PPM1L: variants seen among roughly 807,000 people sequenced by gnomAD.
The protein encoded by PPM1L is protein phosphatase, Mg2+/Mn2+ dependent 1L.
A neutral mutation model predicts 31.4 loss-of-function variants in PPM1L; 13 were observed. That is an observed-to-expected ratio of 0.41 (90% confidence interval 0.27 to 0.66). The LOEUF is 0.66. Ranked by LOEUF, PPM1L falls within the 30% of genes least tolerant of loss-of-function variation. PPM1L has a pLI of 0.29. For synonymous variants in PPM1L, 184 were observed against 175.4 expected, an observed-to-expected ratio of 1.05 and a Z score of -0.39; for missense variants, 326 against 453.7, an observed-to-expected ratio of 0.72 and a Z score of 2.56.
intron 2 of PPM1L, among the ~76,000 whole-genome samples, chr3:160,994,683 T>A (rs1385602822): frequency 1.3e-5 from 2 of 152,178 alleles, no homozygotes; most frequent in Admixed American, 6.5e-5. Flanking sequence ...TTCTGGAAAT[T>A]CAACTGTGAA....
intron 2 of PPM1L, chr3:161,022,427 T>C (rs1248550162): frequency 1.2e-5 from 4 of 326,448 alleles, no homozygotes; most frequent in Non-Finnish European, 2.2e-5. Context: ...CAAAATATAA[T>C]TCTTTTTAAA....
At chr3:161,022,201 T>C (rs1718253534) in intron 2 of PPM1L, 1 of 670,604 alleles carries the variant, frequency 1.5e-6, no homozygotes, top group South Asian at 1.6e-5. Flanking sequence ...CACCTTAGCT[T>C]CAAAATATCT....
intron 1 of PPM1L, among the ~76,000 whole-genome samples, chr3:160,789,303 A>G (rs1712028355): frequency 1.3e-5 from 2 of 151,952 alleles, no homozygotes; most frequent in East Asian, 3.9e-4. Context: ...GAAAGCCACT[A>G]TACAGAATTC....
intron 1 of PPM1L, among the ~76,000 whole-genome samples, chr3:160,797,424 T>G (rs1376670478): frequency 6.6e-6 from 1 of 152,198 alleles, no homozygotes; most frequent in Non-Finnish European, 1.5e-5. Context: ...ATATTGAAAT[T>G]AGGCCAATTA....
At chr3:161,051,434 G>C (rs1237233249) in intron 2 of PPM1L, among the ~76,000 whole-genome samples, 1 of 151,870 alleles carries the variant, frequency 6.6e-6, no homozygotes, top group Non-Finnish European at 1.5e-5. Flanking sequence ...TTAAATACAG[G>C]AGATAGAAGT....
intron 1 of PPM1L, among the ~76,000 whole-genome samples, chr3:160,762,565 T>A (rs542127582): frequency 1.1e-4 from 16 of 152,078 alleles, no homozygotes; most frequent in South Asian, 6.2e-4. Flanking sequence ...GAGCTTTTTT[T>A]AAAAAAAATA....
Position 160,944,832 on chromosome 3 carries a change from A to ATATATATGTTATATAACATATAT in PPM1L, c.400-16889_400-16888insACATATATTATATATGTTATATA, listed in dbSNP as rs1559897037. On this transcript the variant is annotated intron_variant, in intron 1 of 3. Transcript: ENST00000498165. ...ATAACATATATATGTTATATATAAC[A>ATATATATGTTATATAACATATAT]TATATATGTTATATATAACATATAT... 3.2e-4 allele frequency among the ~76,000 whole-genome samples: 18 copies of ATATATATGTTATATAACATATAT among 57,042 alleles called. 4 individuals are homozygous for ATATATATGTTATATAACATATAT. Among genetic ancestry groups the ATATATATGTTATATAACATATAT allele is most frequent in the African/African-American group, 5.8e-4 (10 of 17,366 alleles). The allele number at this position is 57,042 out of a possible 152,430, so 37.4% of individuals were successfully genotyped here. A position where few individuals can be genotyped will look rare whatever the true frequency, so the allele number is the denominator to read the frequency against.
intron 1 of PPM1L, among the ~76,000 whole-genome samples, chr3:160,948,113 A>G (rs1715467173): frequency 6.6e-6 from 1 of 152,198 alleles, no homozygotes; most frequent in Admixed American, 6.6e-5. Flanking sequence ...TTAAAAGGAT[A>G]TACTTCTAGC....
At chr3:160,815,044 G>A (rs1448838451) in intron 1 of PPM1L, among the ~76,000 whole-genome samples, 1 of 151,948 alleles carries the variant, frequency 6.6e-6, no homozygotes, top group Non-Finnish European at 1.5e-5. Flanking sequence ...CTACACATTG[G>A]GTGCAGTGTA....
intron 1 of PPM1L, among the ~76,000 whole-genome samples, chr3:160,925,806 T>C (rs1056151004): frequency 1.3e-5 from 2 of 152,144 alleles, no homozygotes; most frequent in Non-Finnish European, 2.9e-5. Flanking sequence ...GCTGAAGAAC[T>C]AATTAGGGGT....
intron 1 of PPM1L, among the ~76,000 whole-genome samples, chr3:160,787,638 A>G (rs1307660047): frequency 1.3e-5 from 2 of 152,036 alleles, no homozygotes; most frequent in Non-Finnish European, 2.9e-5. Flanking sequence ...TTTTGTTGCA[A>G]TTGCTTTTGG....
intron 1 of PPM1L, among the ~76,000 whole-genome samples, chr3:160,891,337 A>G (rs1400695030): frequency 6.6e-6 from 1 of 151,994 alleles, no homozygotes; most frequent in East Asian, 1.9e-4. Context: ...TATGAACAGA[A>G]TATTTCAAGA....
At chr3:161,008,946 C>CA (rs1284963646) in intron 2 of PPM1L, among the ~76,000 whole-genome samples, 1 of 152,030 alleles carries the variant, frequency 6.6e-6, no homozygotes, top group Non-Finnish European at 1.5e-5. Flanking sequence ...TATTTAAAGC[C>CA]AGTAGACTAG....
intron 2 of PPM1L, among the ~76,000 whole-genome samples, chr3:161,033,162 C>T (rs1349841713): frequency 2.6e-5 from 4 of 152,054 alleles, no homozygotes; most frequent in African/African-American, 4.8e-5. Flanking sequence ...TCAAGGAGAA[C>T]TACAAACCAC....
At chr3:161,053,567 G>T (rs912116732) in intron 2 of PPM1L, among the ~76,000 whole-genome samples, 1 of 152,194 alleles carries the variant, frequency 6.6e-6, no homozygotes, top group Non-Finnish European at 1.5e-5. Context: ...ATGAGAATCA[G>T]ATGACACATC....
At chr3:161,012,186 C>T (rs562785740) in intron 2 of PPM1L, among the ~76,000 whole-genome samples, 270 of 152,184 alleles carry the variant, frequency 1.8e-3, no homozygotes, top group Admixed American at 2.9e-3. Context: ...TTTTGAGGTA[C>T]GTCCCATCAA....
intron 1 of PPM1L, among the ~76,000 whole-genome samples, chr3:160,871,286 T>C (rs1391710421): frequency 2.0e-5 from 3 of 152,164 alleles, no homozygotes; most frequent in Non-Finnish European, 4.4e-5. Context: ...CAGTGGGATC[T>C]AAAAATCTAA....
chr3:160,756,806 G>A lies in PPM1L; in HGVS notation c.399+99G>A, dbSNP rs1468717764. 5 of 1,174,646 alleles carry A rather than the reference G, an allele frequency of 4.3e-6. No homozygotes were observed. The highest frequency in any genetic ancestry group is 5.8e-6 in the Non-Finnish European group (5 of 859,428). The allele number at this position is 1,174,646 out of a possible 1,614,324, so 72.8% of individuals were successfully genotyped here. Reference sequence around the variant, plus strand: ...GTGTGTGTGTATAAACAACAGGACAGCGTGTGCGCAGCGGGAGAGGATCTG... The same window carrying A: ...GTGTGTGTGTATAAACAACAGGACAACGTGTGCGCAGCGGGAGAGGATCTG... On this transcript the variant is annotated intron_variant, in intron 1 of 3. Transcript: ENST00000498165. This position sits in a 1 kb window ranked among gnomAD's most constrained non-coding sequence, Gnocchi z 6.2.
chr3:160,757,423 CG>C (rs1417659103), intron 1 of PPM1L, among the ~76,000 whole-genome samples: 1 of 152,252 alleles, frequency 6.6e-6, no homozygotes, highest in East Asian at 1.9e-4. Flanking sequence ...TGCGCCCTGG[CG>C]GGCTTAGGGG....
Sources: gnomAD v4.1 joint callset for allele counts (sites outside exome capture counted in the v4.1 genomes callset) on GRCh38, gnomAD v4.1.1 for gene constraint, Gnocchi (gnomAD v3.1) non-coding constraint, MANE v1.5 for transcripts, NCBI Gene and HGNC (gene_info 2026-07-23, HGNC 2026-07-21) for gene names.